Variants in LPCAT3 observed in about 807,000 individuals in gnomAD.
LPCAT3 encodes the protein lysophospholipid acyltransferase 5.
Under a neutral mutation model 63.4 loss-of-function variants are expected in LPCAT3, and 21 were observed. The observed-to-expected ratio is 0.33, with a 90% confidence interval of 0.23 to 0.48. The LOEUF (loss-of-function observed/expected upper bound fraction) is 0.48, where lower values mean the gene tolerates loss of function less well. Ranked by LOEUF, LPCAT3 falls within the 20% of genes least tolerant of loss-of-function variation. The pLI is 0.99. For missense variants in LPCAT3, 451 were observed against 590.6 expected (o/e 0.76, Z 2.45); for synonymous variants, 242 against 227.5 (o/e 1.06, Z -0.58).
intron 1 of LPCAT3, among the ~76,000 whole-genome samples, chr12:7,014,618 C>T (rs1339802144): frequency 6.6e-6 from 1 of 151,894 alleles, no homozygotes; most frequent in Non-Finnish European, 1.5e-5. Context: ...CGCGGTGGCT[C>T]ATGCCTGTAA....
At chr12:6,984,559 G>T (rs900046609) in intron 1 of LPCAT3, among the ~76,000 whole-genome samples, 2 of 152,134 alleles carry the variant, frequency 1.3e-5, no homozygotes, top group Non-Finnish European at 2.9e-5. Flanking sequence ...AGTTGGTCAT[G>T]GTTTATACTT....
chr12:7,011,824 T>A (rs1324214906), intron 1 of LPCAT3, among the ~76,000 whole-genome samples: 1 of 152,180 alleles, frequency 6.6e-6, no homozygotes, highest in Non-Finnish European at 1.5e-5. Context: ...GTCTCCCTAT[T>A]TTATAGCAGT....
At chr12:6,983,013 GCT>G (rs1389819192) in intron 2 of LPCAT3, 3 of 599,746 alleles carry the variant, frequency 5.0e-6, no homozygotes, top group Non-Finnish European at 9.3e-6. Context: ...GATGCGACTT[GCT>G]CTGTTGTCCA....
intron 1 of LPCAT3, among the ~76,000 whole-genome samples, chr12:7,012,310 C>T (rs962184145): frequency 6.6e-6 from 1 of 152,102 alleles, no homozygotes; most frequent in Non-Finnish European, 1.5e-5. Context: ...TTTATCTTTT[C>T]CAGCCCCACA....
chr12:7,007,024 A>C (rs1591557169), intron 1 of LPCAT3, among the ~76,000 whole-genome samples: 1 of 152,142 alleles, frequency 6.6e-6, no homozygotes, highest in Admixed American at 6.5e-5. Context: ...CAGAATGTAC[A>C]CATGGATCTT....
At chr12:6,983,221 A>G (rs1169979940) in intron 2 of LPCAT3, 3 of 496,456 alleles carry the variant, frequency 6.0e-6, no homozygotes, top group Non-Finnish European at 1.1e-5. Flanking sequence ...GGCAAGGGTA[A>G]CCACCCTCAA....
chr12:6,983,639 G>T, intron 1 of LPCAT3, 100 bp from the exon 2 acceptor site: 3 of 688,634 alleles, frequency 4.4e-6, no homozygotes, highest in Non-Finnish European at 5.1e-6. Context: ...CAGAGGGAGA[G>T]AGAAAAAAAA....
At chr12:6,978,821 G>A (rs985405761) in intron 7 of LPCAT3, 132 bp from the exon 8 acceptor site, 25 of 1,321,154 alleles carry the variant, frequency 1.9e-5, no homozygotes, top group African/African-American at 1.5e-5. Context: ...GCCCTCAATA[G>A]TCTGGCCTGA....
chr12:7,012,302 T>G (rs1469012528), intron 1 of LPCAT3, among the ~76,000 whole-genome samples: 1 of 152,162 alleles, frequency 6.6e-6, no homozygotes, highest in Non-Finnish European at 1.5e-5. Context: ...CAAGGGCATT[T>G]ATCTTTTCCA....
At chr12:7,014,892 C>CAAAAAA (rs375839002) in intron 1 of LPCAT3, among the ~76,000 whole-genome samples, 1 of 57,604 alleles carries the variant, frequency 1.7e-5, no homozygotes, top group African/African-American at 5.9e-5. Flanking sequence ...GACTCCGTCT[C>CAAAAAA]AAAAAAAAAA....
intron 1 of LPCAT3, chr12:7,001,514 G>C: frequency 4.4e-6 from 2 of 456,158 alleles, no homozygotes; most frequent in Non-Finnish European, 8.8e-6. Context: ...CCCCAGATTA[G>C]TTCCGGTGAG....
intron 1 of LPCAT3, among the ~76,000 whole-genome samples, chr12:7,015,636 T>C (rs781995635): frequency 6.6e-5 from 10 of 152,220 alleles, no homozygotes; most frequent in Non-Finnish European, 1.3e-4. Flanking sequence ...AGGAGGCAAG[T>C]TGAAGCCCCA....
intron 1 of LPCAT3, among the ~76,000 whole-genome samples, chr12:7,014,609 G>T (rs782265460): frequency 9.2e-5 from 14 of 152,188 alleles, no homozygotes; most frequent in African/African-American, 3.4e-4. Flanking sequence ...TCGGCTGGGC[G>T]CGGTGGCTCA....
rs782815603 is a variant in LPCAT3 at position 6,984,136 on chromosome 12, T to C, written c.152-597A>G. The stretch of plus-strand genomic sequence containing the variant: ...ATACTGGAATTGCTGACTGCATATA[T>C]AGCAGTTACAAGTTATGTGGAGATA... On this transcript the variant is annotated intron_variant, in intron 1 of 12. Coordinates refer to ENST00000261407, the MANE Select transcript of LPCAT3 (RefSeq NM_005768.6). Among the ~76,000 whole-genome samples, 4 of 152,366 alleles carry C rather than the reference T, an allele frequency of 2.6e-5. No homozygotes were observed. In the South Asian group the frequency reaches 6.2e-4, roughly 24 times the overall value.
intron 1 of LPCAT3, among the ~76,000 whole-genome samples, chr12:6,990,564 A>AATTG (rs879976969): frequency 8.5e-6 from 1 of 117,468 alleles, no homozygotes; most frequent in Non-Finnish European, 1.9e-5. Context: ...TAAATAAATA[A>AATTG]ATTGAGCACC....
At chr12:7,011,647 C>CAAAAAAA (rs1177972639) in intron 1 of LPCAT3, among the ~76,000 whole-genome samples, 12 of 75,688 alleles carry the variant, frequency 1.6e-4, no homozygotes, top group Non-Finnish European at 1.9e-4. Context: ...CACCATGTCT[C>CAAAAAAA]AAAAAAAAAA....
At chr12:6,980,318 C>T (rs1439274331) in intron 6 of LPCAT3, among the ~76,000 whole-genome samples, 2 of 151,436 alleles carry the variant, frequency 1.3e-5, no homozygotes, top group East Asian at 3.9e-4. Context: ...GTTGGCATTA[C>T]AGGCATGAGC....
Position 7,002,575 on chromosome 12 carries a change from ACT to A in LPCAT3, c.151+15697_151+15698del, listed in dbSNP as rs782603870. Among the ~76,000 whole-genome samples, 6 of 152,048 alleles carry A rather than the reference ACT, an allele frequency of 3.9e-5. No individual in the cohort carries two copies. The South Asian group carries it at 6.2e-4, about 16-fold the overall frequency. On this transcript the variant is annotated intron_variant, in intron 1 of 12. Coordinates refer to ENST00000261407, the MANE Select transcript of LPCAT3 (RefSeq NM_005768.6). ...GGAGTTTCAGCAAATGAAACAATAA[ACT>A]CTTTTTTACCCTGCTAAGATTCTAA...
intron 5 of LPCAT3, 97 bp downstream of exon 5, chr12:6,981,498 G>T: frequency 8.3e-7 from 1 of 1,204,114 alleles, no homozygotes; most frequent in Non-Finnish European, 1.2e-6. Context: ...ATGAGGGAGA[G>T]GCTCCGCTCT....
Sources: allele counts gnomAD v4.1 joint callset (sites outside exome capture counted in the v4.1 genomes callset), GRCh38; gene constraint gnomAD v4.1.1; transcripts MANE v1.5; gene names NCBI Gene and HGNC (gene_info 2026-07-23, HGNC 2026-07-21).